Variants in NTM observed in about 807,000 individuals in gnomAD.
NTM encodes the protein IgLON family member 2.
Under a neutral mutation model 42.1 loss-of-function variants are expected in NTM, and 13 were observed. That is an observed-to-expected ratio of 0.31 (90% CI 0.20 to 0.49). NTM has a LOEUF of 0.49. NTM is among the 20% of genes least tolerant of loss of function. The pLI is 0.99. For synonymous variants in NTM, 187 were observed against 179.2 expected (o/e 1.04, Z -0.35); for missense variants, 373 against 452.8 (o/e 0.82, Z 1.60).
intron 1 of NTM, among the ~76,000 whole-genome samples, chr11:131,458,699 A>G (rs1951117799): frequency 6.6e-6 from 1 of 152,230 alleles, no homozygotes; most frequent in South Asian, 2.1e-4. Flanking sequence ...CATTTGCTGA[A>G]TTAAATTTTG....
At chr11:131,944,865 C>T (rs1008919072) in intron 2 of NTM, among the ~76,000 whole-genome samples, 2 of 152,146 alleles carry the variant, frequency 1.3e-5, no homozygotes, top group African/African-American at 2.4e-5. Context: ...AACACTGCTC[C>T]TGGGATAGAA....
rs185481854 is a variant in NTM, at chr11:131,407,431, A to G, written c.82+36543A>G. ...GTGGAATTGTGTAATATTTTATAGC[A>G]GCATCCAGTCTGCAGACTCAAAATC... On this transcript the variant is annotated intron_variant, in intron 1 of 8. Coordinates refer to ENST00000683400, the MANE Select transcript of NTM (RefSeq NM_001352005.2). 4.3e-4 allele frequency among the ~76,000 whole-genome samples: 65 copies of G among 152,326 alleles called. 1 individual carries two copies. The highest frequency in any genetic ancestry group is 3.4e-3 in the Middle Eastern group (1 of 294).
intron 1 of NTM, among the ~76,000 whole-genome samples, chr11:131,636,524 A>T (rs1402211509): frequency 6.6e-6 from 1 of 152,200 alleles, no homozygotes; most frequent in Non-Finnish European, 1.5e-5. Context: ...CGGAGGGTCA[A>T]CTGAACTCCA....
At chr11:131,818,273 G>A (rs970599464) in intron 1 of NTM, among the ~76,000 whole-genome samples, 7 of 152,038 alleles carry the variant, frequency 4.6e-5, no homozygotes, top group East Asian at 1.9e-4. Context: ...ACCCAGACTC[G>A]CTCCCATTGA....
chr11:132,000,785 A>G (rs1370384771), intron 2 of NTM, among the ~76,000 whole-genome samples: 1 of 152,242 alleles, frequency 6.6e-6, no homozygotes, highest in African/African-American at 2.4e-5. Flanking sequence ...CTTGGAATTC[A>G]TAAACAAATA....
intron 1 of NTM, among the ~76,000 whole-genome samples, chr11:131,866,752 G>A (rs1242744753): frequency 2.0e-5 from 3 of 152,186 alleles, no homozygotes; most frequent in Non-Finnish European, 4.4e-5. Context: ...CCAGGAGGCA[G>A]CTATTAAGAG....
intron 2 of NTM, among the ~76,000 whole-genome samples, chr11:132,026,766 TTG>T (rs1378889090): frequency 6.6e-6 from 1 of 152,172 alleles, no homozygotes; most frequent in Non-Finnish European, 1.5e-5. Flanking sequence ...GGAAAGGCAA[TTG>T]TTTCTCTCTT....
chr11:131,474,173 C>T (rs1456154162), intron 1 of NTM, among the ~76,000 whole-genome samples: 1 of 152,148 alleles, frequency 6.6e-6, no homozygotes, highest in Non-Finnish European at 1.5e-5. Flanking sequence ...GCAAAAACTA[C>T]AAAACGCTTT....
chr11:131,590,637 T>A (rs1334469218), intron 1 of NTM, among the ~76,000 whole-genome samples: 3 of 152,214 alleles, frequency 2.0e-5, no homozygotes, highest in Non-Finnish European at 4.4e-5. Flanking sequence ...ACAACATTCC[T>A]TCTTTGAATG....
chr11:132,129,364 C>A (rs1280812115), intron 2 of NTM, among the ~76,000 whole-genome samples: 1 of 152,192 alleles, frequency 6.6e-6, no homozygotes, highest in African/African-American at 2.4e-5. Flanking sequence ...GTCTCTGGCA[C>A]TATCCTCAGT....
rs151006534 is a variant in NTM, at chr11:131,376,225, T to C, written c.82+5337T>C. 2.5e-3 allele frequency among the ~76,000 whole-genome samples: 385 copies of C among 152,342 alleles called. 2 individuals are homozygous for C. The highest frequency in any genetic ancestry group is 8.7e-3 in the African/African-American group (361 of 41,574). On this transcript the variant is annotated intron_variant, in intron 1 of 8. Transcript: ENST00000683400. ...CTCCCCAAAAGGTTCTCTGGGATCCTATTAATTACAGAGTCTTCCATTATT... is the reference window on the plus strand; with the variant it reads ...CTCCCCAAAAGGTTCTCTGGGATCCCATTAATTACAGAGTCTTCCATTATT...
intron 7 of NTM, among the ~76,000 whole-genome samples, chr11:132,323,283 C>T (rs1369852805): frequency 1.3e-5 from 2 of 151,486 alleles, no homozygotes; most frequent in African/African-American, 4.9e-5. Flanking sequence ...AGACCGCTAG[C>T]AAGACTAATA....
intron 1 of NTM, among the ~76,000 whole-genome samples, chr11:131,831,156 A>C (rs1289020164): frequency 6.6e-6 from 1 of 152,020 alleles, no homozygotes; most frequent in Admixed American, 6.6e-5. Context: ...GATGCCTTTT[A>C]TTTCTTTTTC....
At chr11:131,647,251 G>C (rs539170703) in intron 1 of NTM, among the ~76,000 whole-genome samples, 26 of 152,338 alleles carry the variant, frequency 1.7e-4, no homozygotes, top group Non-Finnish European at 3.5e-4. Context: ...TGAACCCTGA[G>C]CAAAGAAAGA....
At chr11:132,279,900 G>A (rs1425868424) in intron 4 of NTM, among the ~76,000 whole-genome samples, 3 of 152,140 alleles carry the variant, frequency 2.0e-5, no homozygotes, top group Non-Finnish European at 4.4e-5. Context: ...ATCTCTTAAT[G>A]GTGAGGACTG....
chr11:131,699,359 T>C (rs547096039), intron 1 of NTM, among the ~76,000 whole-genome samples: 20 of 152,342 alleles, frequency 1.3e-4, no homozygotes, highest in African/African-American at 4.6e-4. Flanking sequence ...TATAAGCTTA[T>C]AATCTAACAG....
chr11:131,685,656 G>A (rs1455167154), intron 1 of NTM, among the ~76,000 whole-genome samples: 1 of 151,968 alleles, frequency 6.6e-6, no homozygotes, highest in East Asian at 1.9e-4. Context: ...TAGACACAGA[G>A]CCACAGCACA....
At chr11:131,506,778 C>T (rs1400444452) in intron 1 of NTM, among the ~76,000 whole-genome samples, 3 of 152,202 alleles carry the variant, frequency 2.0e-5, no homozygotes, top group Admixed American at 1.3e-4. Context: ...TCCAAGGCCT[C>T]TGTCTCTGAG....
chr11:131,929,600 A>G (rs1468702174), intron 2 of NTM, among the ~76,000 whole-genome samples: 1 of 151,922 alleles, frequency 6.6e-6, no homozygotes, highest in Non-Finnish European at 1.5e-5. Context: ...CTGCACTCCC[A>G]CAATTCCCTG....
Sources: gnomAD v4.1 joint callset for allele counts (sites outside exome capture counted in the v4.1 genomes callset) on GRCh38, gnomAD v4.1.1 for gene constraint, MANE v1.5 for transcripts, NCBI Gene and HGNC (gene_info 2026-07-23, HGNC 2026-07-21) for gene names.